TCEA3: variants seen among roughly 807,000 people sequenced by gnomAD.
The protein encoded by TCEA3 is transcription elongation factor A3, also known as transcription elongation factor A protein 3.
In TCEA3, 36 loss-of-function variants were observed where a neutral mutation model predicts 44.0. The ratio of observed to expected loss-of-function variants is 0.82; its 90% CI spans 0.63 to 1.08. The LOEUF (loss-of-function observed/expected upper bound fraction) is 1.08, where lower values mean the gene tolerates loss of function less well. Among genes scored for constraint, TCEA3 ranks in the 50% least tolerant of loss-of-function variants. The pLI is 0.00. For missense variants in TCEA3, 392 were observed against 441.2 expected, an observed-to-expected ratio of 0.89 and a Z score of 1.00; for synonymous variants, 162 against 159.7, an observed-to-expected ratio of 1.01 and a Z score of -0.11.
intron 1 of TCEA3, 31 bp downstream of exon 1, chr1:23,424,533 CG>C: frequency 1.3e-6 from 2 of 1,584,650 alleles, no homozygotes; most frequent in Non-Finnish European, 8.6e-7. Flanking sequence ...CTCCCGGGGG[CG>C]GGGGCCGTGG....
intron 4 of TCEA3, 68 bp downstream of exon 4, chr1:23,417,181 T>C: frequency 2.6e-6 from 4 of 1,555,770 alleles, no homozygotes; most frequent in Non-Finnish European, 3.5e-6. Flanking sequence ...TGAGATAATA[T>C]ACACTGAGTT....
chr1:23,401,907 C>T (rs1639407884), intron 5 of TCEA3, among the ~76,000 whole-genome samples: 1 of 152,178 alleles, frequency 6.6e-6, no homozygotes, highest in African/African-American at 2.4e-5. Context: ...GCCTGATGAT[C>T]AGAGGTGGAA....
intron 6 of TCEA3, 22 bp from the exon 7 acceptor site, chr1:23,397,623 C>T: frequency 6.2e-7 from 1 of 1,612,724 alleles, no homozygotes; most frequent in Non-Finnish European, 8.5e-7. Flanking sequence ...TCGAGAAATA[C>T]AGGTATCAGC....
intron 4 of TCEA3, among the ~76,000 whole-genome samples, chr1:23,409,955 C>T (rs1271685390): frequency 6.6e-6 from 1 of 152,090 alleles, no homozygotes; most frequent in African/African-American, 2.4e-5. Flanking sequence ...ATTGTCTGTG[C>T]TCAGCCCAGT....
intron 9 of TCEA3, among the ~76,000 whole-genome samples, chr1:23,386,384 C>T (rs1426960446): frequency 2.6e-5 from 4 of 151,998 alleles, no homozygotes; most frequent in Admixed American, 2.6e-4. Context: ...ACTACAGGCA[C>T]ACACTACCAA....
intron 7 of TCEA3, 43 bp from the exon 8 acceptor site, chr1:23,394,076 A>G: frequency 3.7e-6 from 6 of 1,611,550 alleles, no homozygotes; most frequent in Non-Finnish European, 5.1e-6. Context: ...GGAGGGGCAC[A>G]GAAGGGTGCA....
intron 2 of TCEA3, among the ~76,000 whole-genome samples, chr1:23,418,738 A>G (rs1488132925): frequency 3.3e-5 from 5 of 152,106 alleles, no homozygotes; most frequent in Non-Finnish European, 5.9e-5. Context: ...TAAGGGCTAC[A>G]CAGGGATTTT....
chr1:23,416,952 C>T (rs994895312), intron 4 of TCEA3, among the ~76,000 whole-genome samples: 6 of 152,202 alleles, frequency 3.9e-5, no homozygotes, highest in South Asian at 2.1e-4. Context: ...TCTAGACTGC[C>T]GTGCGGTCTC....
chr1:23,410,815 G>C (rs1394765159), intron 4 of TCEA3: 1 of 152,362 alleles, frequency 6.6e-6, no homozygotes, highest in Non-Finnish European at 1.5e-5. Context: ...GAAAAGAAAA[G>C]AAAGAAAATA....
In TCEA3 at chr1:23,417,976, G is replaced by A. The variant is rs367922636; in HGVS notation, c.166C>T (p.Arg56Cys). 180 of 1,614,036 alleles carry A rather than the reference G, an allele frequency of 1.1e-4. 2 individuals are homozygous for A. The East Asian group carries it at 1.9e-3, about 17-fold the overall frequency. Reference protein sequence around the residue: ...TRIGVAVNGVRKHCSDKEVVS... With the variant: ...TRIGVAVNGVCKHCSDKEVVS... ...ACCTCCTTGTCTGAGCAGTGCTTGC[G>A]GACCCCATTAACAGCAACTCCAATC... Residue 56 changes from arginine to cysteine, a missense_variant, in exon 3 of 11, where the codon CGC becomes TGC. Transcript: ENST00000450454.
Position 23,424,688 on chromosome 1 carries a change from G to A in TCEA3, c.-55C>T. 2.1e-6 allele frequency: 3 copies of A among 1,409,128 alleles called. No individual in the cohort carries two copies. The highest frequency in any genetic ancestry group is 2.9e-5 in the African/African-American group (2 of 69,602). The allele number at this position is 1,409,128 out of a possible 1,614,324, so 87.3% of individuals were successfully genotyped here. ...GGCACAGGGGCAGCAGTAGGGCCTC[G>A]GGGGCAGGAGGCGCGAAGGCGGAGG... On this transcript the variant is annotated 5_prime_UTR_variant, in exon 1 of 11. Coordinates refer to ENST00000450454, the MANE Select transcript of TCEA3 (RefSeq NM_003196.3).
Position 23,384,376 on chromosome 1 carries a change from G to C in TCEA3, c.1008C>G (p.Val336=), listed in dbSNP as rs745590450. 5 of 1,613,936 alleles carry C rather than the reference G, an allele frequency of 3.1e-6. No individual in the cohort carries two copies. Among genetic ancestry groups the C allele is most frequent in the Non-Finnish European group, 3.4e-6 (4 of 1,179,876 alleles). The change falls in exon 10 of 11, where the codon GTC becomes GTG. Residue 336 remains valine (V), a synonymous_variant. Coordinates refer to ENST00000450454, the MANE Select transcript of TCEA3 (RefSeq NM_003196.3). ...RSADEPMTTF[V]LCNECGNRWK... is the part of the protein sequence containing the mutation. ...AGCGATTGCCACATTCATTGCATAA[G>C]ACAAAGGTAGTCATGGGCTCATCAG...
chr1:23,399,130 A>ATATATG (rs1466682993), intron 5 of TCEA3, among the ~76,000 whole-genome samples: 1 of 73,380 alleles, frequency 1.4e-5, no homozygotes, highest in Non-Finnish European at 2.5e-5. Flanking sequence ...TTTTGTTTAT[A>ATATATG]TATATGTATA....
At position 23,397,563 on chromosome 1, in the gene TCEA3, C is replaced by A; in HGVS notation, c.646G>T (p.Ala216Ser). ...KDYGVNCDKM[A>S]SEIEDHIYQE... The stretch of plus-strand genomic sequence containing the variant: ...AGGATATGATCTTCGATTTCTGATG[C>A]CATCTTGTCACAGTTGACTCCATAG... Residue 216 changes from alanine (A) to serine (S), a missense_variant, in exon 7 of 11, where the codon GCA becomes TCA. Coordinates refer to ENST00000450454, the MANE Select transcript of TCEA3 (RefSeq NM_003196.3). 2 of 1,613,838 alleles carry A rather than the reference C, an allele frequency of 1.2e-6. No individual in the cohort carries two copies. Among genetic ancestry groups the A allele is most frequent in the Non-Finnish European group, 1.7e-6 (2 of 1,179,860 alleles).
At chr1:23,421,622 C>T (rs777979848) in intron 1 of TCEA3, among the ~76,000 whole-genome samples, 7 of 152,100 alleles carry the variant, frequency 4.6e-5, no homozygotes, top group Non-Finnish European at 1.0e-4. Context: ...TGGGAGGAGA[C>T]GTACACTACC....
chr1:23,397,246 G>A (rs1476420202), intron 7 of TCEA3, among the ~76,000 whole-genome samples: 5 of 152,280 alleles, frequency 3.3e-5, no homozygotes, highest in African/African-American at 9.6e-5. Flanking sequence ...ATGGGCTTTG[G>A]GAAATGATTT....
intron 1 of TCEA3, chr1:23,423,938 G>A: frequency 4.5e-6 from 2 of 444,268 alleles, no homozygotes; most frequent in Admixed American, 4.8e-5. Flanking sequence ...CCCGCCCCGC[G>A]GGCCCCCGCA....
intron 5 of TCEA3, among the ~76,000 whole-genome samples, chr1:23,400,514 TTG>T (rs1639368504): frequency 6.6e-6 from 1 of 152,032 alleles, no homozygotes; most frequent in Non-Finnish European, 1.5e-5. Context: ...TGGCAAGACT[TTG>T]TGATAGTTGC....
At chr1:23,385,675 G>A (rs1417011383) in intron 9 of TCEA3, among the ~76,000 whole-genome samples, 1 of 152,196 alleles carries the variant, frequency 6.6e-6, no homozygotes, top group African/African-American at 2.4e-5. Flanking sequence ...AGAATCCAAG[G>A]ATATTTGTGC....
Sources: allele counts gnomAD v4.1 joint callset (sites outside exome capture counted in the v4.1 genomes callset), GRCh38; gene constraint gnomAD v4.1.1; transcripts MANE v1.5; gene names NCBI Gene and HGNC (gene_info 2026-07-23, HGNC 2026-07-21).